The following BICC1 variants were observed in gnomAD, a reference collection of about 807,000 sequenced individuals.
BICC1 encodes protein bicaudal C homolog 1.
Under a neutral mutation model 111.0 loss-of-function variants are expected in BICC1, and 43 were observed. The ratio of observed to expected loss-of-function variants is 0.39; its 90% CI spans 0.30 to 0.50. BICC1 has a LOEUF of 0.50. BICC1 is among the 20% of genes least tolerant of loss of function. The pLI is 0.88. For synonymous variants in BICC1, 467 were observed against 434.4 expected (o/e 1.07, Z -0.93); for missense variants, 1,091 against 1,203.2 (o/e 0.91, Z 1.38).
chr10:58,733,225 A>G (rs1050889183), intron 3 of BICC1, among the ~76,000 whole-genome samples: 1 of 152,218 alleles, frequency 6.6e-6, no homozygotes, highest in Non-Finnish European at 1.5e-5. Context: ...TTGTGAAACA[A>G]TCACTAGCCC....
intron 5 of BICC1, among the ~76,000 whole-genome samples, chr10:58,788,056 G>A (rs535989971): frequency 1.1e-3 from 170 of 152,146 alleles, no homozygotes; most frequent in Non-Finnish European, 2.0e-3. Context: ...TAAACAAAAC[G>A]GAGAAAATGC....
chr10:58,553,864 C>A (rs777729834), intron 1 of BICC1, among the ~76,000 whole-genome samples: 56 of 151,500 alleles, frequency 3.7e-4, no homozygotes, highest in Non-Finnish European at 6.6e-4. Flanking sequence ...GTAAAAAAAA[C>A]CAGTCTACTG....
At chr10:58,620,746 A>T in intron 1 of BICC1, 109 bp from the exon 2 acceptor site, 1 of 979,732 alleles carries the variant, frequency 1.0e-6, no homozygotes, top group Non-Finnish European at 1.6e-6. Flanking sequence ...GCTGTGGGAG[A>T]GCAAGGCTGG....
At chr10:58,737,367 C>T (rs1259467751) in intron 3 of BICC1, among the ~76,000 whole-genome samples, 3 of 152,036 alleles carry the variant, frequency 2.0e-5, no homozygotes, top group East Asian at 1.9e-4. Context: ...TTTGTCCTTG[C>T]GATAGTTTGC....
chr10:58,771,767 AGTCCTG>A (rs1842628166), intron 3 of BICC1, among the ~76,000 whole-genome samples: 1 of 152,210 alleles, frequency 6.6e-6, no homozygotes, highest in Admixed American at 6.5e-5. Flanking sequence ...AGCTGGGCAC[AGTCCTG>A]GTCATGAGGT....
chr10:58,708,008 T>TTTC, intron 3 of BICC1, among the ~76,000 whole-genome samples: 1 of 138,018 alleles, frequency 7.2e-6, no homozygotes, highest in Non-Finnish European at 1.6e-5. Context: ...GCTAATTTTT[T>TTTC]TTTTTTTGTA....
rs1193689412 is a variant in BICC1 at position 58,616,315 on chromosome 10, G to A, written c.191-4540G>A. Among the ~76,000 whole-genome samples, 4 of 152,234 alleles carry A rather than the reference G, an allele frequency of 2.6e-5. No individual in the cohort carries two copies. In the East Asian group the frequency reaches 7.7e-4, roughly 29 times the overall value. On this transcript the variant is annotated intron_variant, in intron 1 of 20. Coordinates refer to ENST00000373886, the MANE Select transcript of BICC1 (RefSeq NM_001080512.3). Reference sequence around the variant, plus strand: ...AACAAGTGACATGCTCAGAGATGTGGATTGATTTGGTTTTGGCCAGGATTG... The same window carrying A: ...AACAAGTGACATGCTCAGAGATGTGAATTGATTTGGTTTTGGCCAGGATTG...
chr10:58,814,462 TGGTG>T, intron 18 of BICC1: 2 of 262,406 alleles, frequency 7.6e-6, no homozygotes, highest in Non-Finnish European at 1.4e-5. Flanking sequence ...TGCATCCAGG[TGGTG>T]ACAAAAAGAC....
intron 1 of BICC1, among the ~76,000 whole-genome samples, chr10:58,526,777 A>G (rs1842554806): frequency 1.3e-5 from 2 of 152,206 alleles, no homozygotes; most frequent in African/African-American, 2.4e-5. Context: ...TTATGGCTGC[A>G]TAGTATTCCA....
chr10:58,683,864 A>C (rs967258902), intron 2 of BICC1, among the ~76,000 whole-genome samples: 11 of 152,126 alleles, frequency 7.2e-5, no homozygotes, highest in Non-Finnish European at 8.8e-5. Context: ...AATACCCTTT[A>C]TTTCTTTCTC....
At chr10:58,531,070 A>T (rs1274828887) in intron 1 of BICC1, among the ~76,000 whole-genome samples, 1 of 151,878 alleles carries the variant, frequency 6.6e-6, no homozygotes, top group Admixed American at 6.6e-5. Flanking sequence ...GAGGAAAAAA[A>T]GTCCAGTGAC....
chr10:58,739,535 T>C (rs1333099175), intron 3 of BICC1, among the ~76,000 whole-genome samples: 1 of 35,516 alleles, frequency 2.8e-5, no homozygotes, highest in East Asian at 8.4e-4. Flanking sequence ...TATAAAACTT[T>C]AGTTTAATTT....
chr10:58,605,059 T>C (rs1291381387), intron 1 of BICC1, among the ~76,000 whole-genome samples: 1 of 152,118 alleles, frequency 6.6e-6, no homozygotes, highest in African/African-American at 2.4e-5. Context: ...AGCATTACCT[T>C]GGGGGTTAGC....
At chr10:58,569,849 CAT>C (rs770455215) in intron 1 of BICC1, among the ~76,000 whole-genome samples, 11 of 152,228 alleles carry the variant, frequency 7.2e-5, no homozygotes, top group Non-Finnish European at 1.5e-4. Context: ...TTACAGTAAA[CAT>C]ATGTGTGCAT....
intron 3 of BICC1, among the ~76,000 whole-genome samples, chr10:58,762,344 G>A (rs1442065711): frequency 6.6e-6 from 1 of 152,122 alleles, no homozygotes; most frequent in Non-Finnish European, 1.5e-5. Flanking sequence ...AAGCTTTATG[G>A]GAATGTCTGT....
intron 1 of BICC1, among the ~76,000 whole-genome samples, chr10:58,596,580 T>C (rs1844821047): frequency 6.6e-6 from 1 of 151,846 alleles, no homozygotes; most frequent in South Asian, 2.1e-4. Flanking sequence ...GCAAGAGAAA[T>C]AAAGCGTATT....
chr10:58,686,112 C>T lies in BICC1; in HGVS notation c.238-15962C>T, dbSNP rs192172574. ...TTGTCTGTAAAGGATTTTATTTCTC[C>T]TTCACTTATGAAGCTTAGTTTGGCT... On this transcript the variant is annotated intron_variant, in intron 2 of 20. Coordinates refer to ENST00000373886, the MANE Select transcript of BICC1 (RefSeq NM_001080512.3). 3.4e-3 allele frequency among the ~76,000 whole-genome samples: 517 copies of T among 152,234 alleles called. 4 individuals carry two copies. Among genetic ancestry groups the T allele is most frequent in the African/African-American group, 0.012 (501 of 41,516 alleles).
At chr10:58,687,191 A>G (rs1839760746) in intron 2 of BICC1, among the ~76,000 whole-genome samples, 3 of 152,182 alleles carry the variant, frequency 2.0e-5, no homozygotes, top group South Asian at 2.1e-4. Flanking sequence ...AACAGCAAAT[A>G]TTGCTGAACA....
intron 3 of BICC1, among the ~76,000 whole-genome samples, chr10:58,766,361 T>C (rs72804405): frequency 6.6e-6 from 1 of 152,214 alleles, no homozygotes; most frequent in East Asian, 1.9e-4. Context: ...ATGACCCCCA[T>C]GTGTGTATTT....
Sources: allele counts gnomAD v4.1 joint callset (sites outside exome capture counted in the v4.1 genomes callset), GRCh38; gene constraint gnomAD v4.1.1; transcripts MANE v1.5; gene names NCBI Gene and HGNC (gene_info 2026-07-23, HGNC 2026-07-21).